The following PIK3C2G variants were observed in gnomAD, a reference collection of about 807,000 sequenced individuals.
PIK3C2G encodes phosphatidylinositol 3-kinase C2 domain-containing subunit gamma.
In PIK3C2G, 168 loss-of-function variants were observed where a neutral mutation model predicts 181.1. That is an observed-to-expected ratio of 0.93 (90% confidence interval 0.82 to 1.05). PIK3C2G has a LOEUF of 1.05. Among genes scored for constraint, PIK3C2G ranks in the 50% least tolerant of loss-of-function variants. The probability of loss-of-function intolerance (pLI) is 0.00; values close to 1 mark genes in which losing one functional copy is unlikely to be tolerated. For missense variants in PIK3C2G, 1,869 were observed against 1,732.8 expected (o/e 1.08, Z -1.40); for synonymous variants, 573 against 592.2 (o/e 0.97, Z 0.47).
chr12:18,545,894 A>G (rs1380444858), intron 25 of PIK3C2G, among the ~76,000 whole-genome samples: 6 of 151,906 alleles, frequency 3.9e-5, no homozygotes, highest in African/African-American at 1.4e-4. Context: ...TTTGTGTAAT[A>G]TTTTGTAATG....
chr12:18,439,466 G>A (rs1183158731), intron 18 of PIK3C2G, among the ~76,000 whole-genome samples: 1 of 151,876 alleles, frequency 6.6e-6, no homozygotes, highest in African/African-American at 2.4e-5. Context: ...TTACATTGAC[G>A]TTACTATTCA....
At chr12:18,418,677 A>G (rs1352349682) in intron 16 of PIK3C2G, among the ~76,000 whole-genome samples, 1 of 152,162 alleles carries the variant, frequency 6.6e-6, no homozygotes, top group East Asian at 1.9e-4. Context: ...TAGGATAGAA[A>G]AATCAACAGA....
the PIK3C2G span, among the ~76,000 whole-genome samples, chr12:18,695,277 A>T: frequency 1.3e-5 from 2 of 152,208 alleles, no homozygotes; most frequent in African/African-American, 4.8e-5. Flanking sequence ...TGAGTTGCAA[A>T]GTTTAATCTG....
chr12:18,587,627 T>C (rs1020056831), intron 29 of PIK3C2G, among the ~76,000 whole-genome samples: 1 of 151,964 alleles, frequency 6.6e-6, no homozygotes, highest in Non-Finnish European at 1.5e-5. Context: ...GCCATACTGC[T>C]CAAAACAATT....
rs1945684267 is a variant in PIK3C2G, at chr12:18,567,152, C to CT, written c.4011+98dup. The CT allele has an allele frequency of 2.5e-5, 16 of 651,674 alleles. No individual in the cohort carries two copies. The East Asian group carries it at 4.6e-4, about 19-fold the overall frequency. The allele number at this position is 651,674 out of a possible 1,614,324, so 40.4% of individuals were successfully genotyped here. A position where few individuals can be genotyped will look rare whatever the true frequency, so the allele number is the denominator to read the frequency against. ...GTGGTTTATGTCTGTAATGCCAGTA[C>CT]TTTGGGAGGTCAAGGTGGGATGATT... On this transcript the variant is annotated intron_variant, in intron 29 of 32. Coordinates refer to ENST00000538779, the MANE Select transcript of PIK3C2G (RefSeq NM_001288772.2).
the PIK3C2G span, among the ~76,000 whole-genome samples, chr12:18,711,840 A>C: frequency 6.6e-6 from 1 of 152,024 alleles, no homozygotes; most frequent in Admixed American, 6.6e-5. Flanking sequence ...GAAATAAATA[A>C]ATTTAGAAAT....
intron 5 of PIK3C2G, among the ~76,000 whole-genome samples, chr12:18,307,556 G>A (rs1476796736): frequency 6.6e-6 from 1 of 151,934 alleles, no homozygotes; most frequent in East Asian, 1.9e-4. Context: ...TATAAGCATT[G>A]TAATTCCCAG....
At chr12:18,444,647 A>T (rs2135848672) in intron 18 of PIK3C2G, among the ~76,000 whole-genome samples, 1 of 152,250 alleles carries the variant, frequency 6.6e-6, no homozygotes, top group African/African-American at 2.4e-5. Flanking sequence ...AAATAACAAC[A>T]ATATCAACAA....
chr12:18,636,219 T>A (rs761257768), intron 31 of PIK3C2G, among the ~76,000 whole-genome samples: 28 of 152,026 alleles, frequency 1.8e-4, no homozygotes, highest in Non-Finnish European at 3.2e-4. Context: ...CTTCTGGTGG[T>A]CTTTGTTTTT....
chr12:18,420,868 T>C (rs914737658), intron 16 of PIK3C2G, 73 bp from the exon 17 acceptor site: 12 of 791,968 alleles, frequency 1.5e-5, no homozygotes, highest in Admixed American at 5.6e-5. Context: ...ATTCATTCTC[T>C]GTTCTCCCTG....
chr12:18,314,248 C>T (rs943188561), intron 6 of PIK3C2G, among the ~76,000 whole-genome samples, 184 bp downstream of exon 6: 1 of 152,070 alleles, frequency 6.6e-6, no homozygotes, highest in African/African-American at 2.4e-5. Context: ...ATGATTTGAA[C>T]TGATGCAATA....
intron 28 of PIK3C2G, among the ~76,000 whole-genome samples, chr12:18,564,159 T>C (rs1161115771): frequency 6.6e-6 from 1 of 151,908 alleles, no homozygotes; most frequent in African/African-American, 2.4e-5. Flanking sequence ...AATGGAAAAA[T>C]GTTAAACATA....
In PIK3C2G at chr12:18,513,765, C is replaced by T. The variant is rs11525554; in HGVS notation, c.3323+8304C>T. 2.3e-4 allele frequency among the ~76,000 whole-genome samples: 35 copies of T among 151,542 alleles called. 1 individual carries two copies. In the South Asian group the frequency reaches 3.7e-3, roughly 16 times the overall value. On this transcript the variant is annotated intron_variant, in intron 24 of 32. Transcript: ENST00000538779. ...TACAAAATGCAAACCATCTAGTAAACGGTTTGTATTTTGTATTTTGTTTAT... is the reference window on the plus strand; with the variant it reads ...TACAAAATGCAAACCATCTAGTAAATGGTTTGTATTTTGTATTTTGTTTAT...
At chr12:18,709,322 C>T in the PIK3C2G span, among the ~76,000 whole-genome samples, 1 of 152,022 alleles carries the variant, frequency 6.6e-6, no homozygotes, top group Non-Finnish European at 1.5e-5. Flanking sequence ...ATTAGGTTGA[C>T]CATATATGCT....
chr12:18,499,136 G>T (rs1941231489), intron 22 of PIK3C2G, among the ~76,000 whole-genome samples: 1 of 152,152 alleles, frequency 6.6e-6, no homozygotes, highest in African/African-American at 2.4e-5. Context: ...AAATAATTCA[G>T]CAGAAATAAC....
chr12:18,345,186 T>C lies in PIK3C2G; in HGVS notation c.1430-1455T>C, dbSNP rs979199148. Among the ~76,000 whole-genome samples the C allele has an allele frequency of 1.3e-4, 20 of 152,266 alleles. 1 individual carries two copies. The highest frequency in any genetic ancestry group is 4.6e-4 in the African/African-American group (19 of 41,560). ...AAGAAACAAGATGTTTCCATAAATT[T>C]ATAATGCTCTGCCTCCTGCTGTTCA... is the stretch of plus-strand genomic sequence containing the variant. On this transcript the variant is annotated intron_variant, in intron 10 of 32. Coordinates refer to ENST00000538779, the MANE Select transcript of PIK3C2G (RefSeq NM_001288772.2).
the PIK3C2G span, chr12:18,699,647 G>A: frequency 1.2e-5 from 10 of 814,732 alleles, no homozygotes; most frequent in African/African-American, 1.7e-4. Flanking sequence ...TGAGACCTGA[G>A]GTATGTAACC....
chr12:18,693,591 G>A, the PIK3C2G span: 44 of 1,590,232 alleles, frequency 2.8e-5, no homozygotes, highest in African/African-American at 2.7e-4. Flanking sequence ...GAATTGTTTC[G>A]AGTTGCTGAA....
the PIK3C2G span, chr12:18,700,078 C>T: frequency 1.3e-6 from 1 of 753,536 alleles, no homozygotes; most frequent in Non-Finnish European, 2.2e-6. Context: ...TCCTCAAACA[C>T]CATTTGATTA....
Sources: gnomAD v4.1 joint callset for allele counts (sites outside exome capture counted in the v4.1 genomes callset) on GRCh38, gnomAD v4.1.1 for gene constraint, MANE v1.5 for transcripts, NCBI Gene and HGNC (gene_info 2026-07-23, HGNC 2026-07-21) for gene names.